Variants in NRXN3 observed in about 807,000 individuals in gnomAD.
The protein encoded by NRXN3 is neurexin III.
A neutral mutation model predicts 137.6 loss-of-function variants in NRXN3; 32 were observed. That is an observed-to-expected ratio of 0.23 (90% confidence interval 0.18 to 0.31). The LOEUF (loss-of-function observed/expected upper bound fraction) is 0.31, where lower values mean the gene tolerates loss of function less well. NRXN3 is among the 10% of genes least tolerant of loss of function. NRXN3 has a pLI of 1.00. For synonymous variants in NRXN3, 798 were observed against 784.5 expected (o/e 1.02, Z -0.29); for missense variants, 1,574 against 2,062.5 (o/e 0.76, Z 4.59).
chr14:79,502,168 G>C (rs1200178097), intron 16 of NRXN3, among the ~76,000 whole-genome samples: 1 of 152,190 alleles, frequency 6.6e-6, no homozygotes, highest in South Asian at 2.1e-4. Flanking sequence ...GAAAGTGAGA[G>C]AACAGTGGGA....
chr14:79,417,118 T>A (rs1165430639), intron 15 of NRXN3, among the ~76,000 whole-genome samples: 1 of 152,122 alleles, frequency 6.6e-6, no homozygotes, highest in Non-Finnish European at 1.5e-5. Context: ...TCTCTGTAAC[T>A]TGGTTTCCTC....
chr14:78,922,657 A>G (rs554668455), intron 10 of NRXN3, among the ~76,000 whole-genome samples: 6 of 152,254 alleles, frequency 3.9e-5, no homozygotes, highest in African/African-American at 1.4e-4. Context: ...ATGAGAACAC[A>G]TGGACACAGG....
chr14:79,227,225 G>T (rs149124772), intron 15 of NRXN3, among the ~76,000 whole-genome samples: 1 of 152,090 alleles, frequency 6.6e-6, no homozygotes, highest in Non-Finnish European at 1.5e-5. Flanking sequence ...ACCTGGCGTT[G>T]TTCTAGACAC....
At chr14:78,942,092 G>A (rs1444169884) in intron 10 of NRXN3, among the ~76,000 whole-genome samples, 1 of 152,240 alleles carries the variant, frequency 6.6e-6, no homozygotes, top group African/African-American at 2.4e-5. Context: ...GGGAGCCAAT[G>A]TGGCACAGTA....
At chr14:79,040,270 T>C (rs1016394823) in intron 15 of NRXN3, among the ~76,000 whole-genome samples, 1 of 152,214 alleles carries the variant, frequency 6.6e-6, no homozygotes, top group Non-Finnish European at 1.5e-5. Context: ...GCAGGCCCAA[T>C]AGTTGTTCTA....
At chr14:79,710,117 A>ATAAT (rs1378494230) in intron 19 of NRXN3, among the ~76,000 whole-genome samples, 2 of 152,154 alleles carry the variant, frequency 1.3e-5, no homozygotes, top group Non-Finnish European at 2.9e-5. Context: ...AAAGTCAAAA[A>ATAAT]TAATAGATGC....
At chr14:78,736,094 A>G (rs897557014) in intron 8 of NRXN3, among the ~76,000 whole-genome samples, 1 of 151,872 alleles carries the variant, frequency 6.6e-6, no homozygotes, top group African/African-American at 2.4e-5. Context: ...TCCCCTATAC[A>G]GCTACACACA....
intron 8 of NRXN3, among the ~76,000 whole-genome samples, chr14:78,775,844 C>A (rs1000033569): frequency 6.6e-6 from 1 of 152,192 alleles, no homozygotes; most frequent in African/African-American, 2.4e-5. Flanking sequence ...TGAGGTAATT[C>A]CTGTATGAAA....
At chr14:78,868,138 C>G (rs1052163089) in intron 10 of NRXN3, among the ~76,000 whole-genome samples, 19 of 151,326 alleles carry the variant, frequency 1.3e-4, no homozygotes, top group African/African-American at 4.6e-4. Context: ...ATTACAGGAG[C>G]CTTATCCAGG....
At chr14:79,258,847 AG>A (rs1474135556) in intron 15 of NRXN3, among the ~76,000 whole-genome samples, 5 of 152,204 alleles carry the variant, frequency 3.3e-5, no homozygotes, top group East Asian at 1.9e-4. Flanking sequence ...AGAGAAAAGA[AG>A]GGTATGTGAT....
chr14:79,459,548 A>G (rs1400507985), intron 15 of NRXN3, among the ~76,000 whole-genome samples: 4 of 151,992 alleles, frequency 2.6e-5, no homozygotes, highest in African/African-American at 9.7e-5. Flanking sequence ...TTTGATCTTG[A>G]AATTCTAGCC....
chr14:79,285,729 T>G (rs945558997), intron 15 of NRXN3, among the ~76,000 whole-genome samples: 2 of 152,148 alleles, frequency 1.3e-5, no homozygotes, highest in African/African-American at 4.8e-5. Context: ...TTTAACTTAA[T>G]CATCTCTTTA....
At chr14:79,564,863 C>A (rs1433186324) in intron 16 of NRXN3, among the ~76,000 whole-genome samples, 2 of 151,952 alleles carry the variant, frequency 1.3e-5, no homozygotes, top group Non-Finnish European at 2.9e-5. Context: ...ATAAGGAATG[C>A]ATTTATGTCA....
intron 1 of NRXN3, among the ~76,000 whole-genome samples, chr14:78,225,951 TGG>T (rs1491545962): frequency 4.7e-4 from 27 of 57,652 alleles, no homozygotes; most frequent in African/African-American, 1.6e-3. Flanking sequence ...GGTGTTTTTT[TGG>T]TGTGTGTGTG....
At chr14:79,645,203 A>G (rs2098448081) in intron 16 of NRXN3, among the ~76,000 whole-genome samples, 2 of 134,828 alleles carry the variant, frequency 1.5e-5, no homozygotes, top group South Asian at 4.6e-4. Context: ...AGGTCTTTCT[A>G]GTGAGTTGGA....
intron 4 of NRXN3, among the ~76,000 whole-genome samples, chr14:78,310,217 G>A (rs1597155006): frequency 6.9e-6 from 1 of 145,412 alleles, no homozygotes; most frequent in Admixed American, 6.9e-5. Context: ...TTTCTCTACT[G>A]TATATCTAAG....
chr14:78,311,161 T>C (rs2077936958), intron 4 of NRXN3, among the ~76,000 whole-genome samples: 1 of 152,170 alleles, frequency 6.6e-6, no homozygotes, highest in Non-Finnish European at 1.5e-5. Context: ...CAGTGTTAAA[T>C]AATAAGTAGT....
chr14:79,164,371 T>C (rs183424605), intron 15 of NRXN3, among the ~76,000 whole-genome samples: 272 of 152,134 alleles, frequency 1.8e-3, no homozygotes, highest in Non-Finnish European at 1.9e-3. Context: ...ACATTTATGC[T>C]TACATATATC....
At chr14:78,527,315 A>G (rs1311309699) in intron 4 of NRXN3, among the ~76,000 whole-genome samples, 1 of 152,122 alleles carries the variant, frequency 6.6e-6, no homozygotes, top group Non-Finnish European at 1.5e-5. Flanking sequence ...GGCAGAACGA[A>G]AGGGGGAAGC....
Sources: allele counts gnomAD v4.1 joint callset (sites outside exome capture counted in the v4.1 genomes callset), GRCh38; gene constraint gnomAD v4.1.1; transcripts MANE v1.5; gene names NCBI Gene and HGNC (gene_info 2026-07-23, HGNC 2026-07-21).